RBFOX1: variants seen among roughly 807,000 people sequenced by gnomAD.
RBFOX1 encodes the protein RNA binding fox-1 homolog 1, also known as RNA binding protein fox-1 homolog 1.
RBFOX1 carries 8 observed loss-of-function variants against 57.7 expected under a neutral mutation model. That is an observed-to-expected ratio of 0.14 (90% CI 0.08 to 0.25). RBFOX1 has a LOEUF of 0.25. Among genes scored for constraint, RBFOX1 ranks in the 10% least tolerant of loss-of-function variants. RBFOX1 has a pLI of 1.00. For missense variants in RBFOX1, 611 were observed against 548.5 expected (o/e 1.11, Z -1.14); for synonymous variants, 326 against 222.4 (o/e 1.47, Z -4.15).
chr16:6,849,126 A>G (rs999780351), intron 3 of RBFOX1, among the ~76,000 whole-genome samples: 2 of 152,114 alleles, frequency 1.3e-5, no homozygotes, highest in African/African-American at 2.4e-5. Context: ...ATTTATATAT[A>G]ATCATCCCCA....
At chr16:6,654,136 T>C (rs1007957649) in intron 2 of RBFOX1, among the ~76,000 whole-genome samples, 1 of 151,646 alleles carries the variant, frequency 6.6e-6, no homozygotes, top group Admixed American at 6.6e-5. Context: ...AGAGGACCAA[T>C]GAATGAATGG....
At chr16:6,243,545 C>G (rs989004463) in intron 1 of RBFOX1, among the ~76,000 whole-genome samples, 1 of 152,146 alleles carries the variant, frequency 6.6e-6, no homozygotes. Flanking sequence ...ACAGTCAGTC[C>G]TCGTTCAGCA....
intron 3 of RBFOX1, among the ~76,000 whole-genome samples, chr16:7,002,620 G>A (rs903418850): frequency 4.6e-5 from 7 of 152,316 alleles, no homozygotes; most frequent in Admixed American, 1.3e-4. Flanking sequence ...GCTGAGGCAG[G>A]AGAATCGCTT....
At chr16:5,803,599 G>T (rs914546008) in intron 3 of RBFOX1, among the ~76,000 whole-genome samples, 1 of 152,148 alleles carries the variant, frequency 6.6e-6, no homozygotes, top group Non-Finnish European at 1.5e-5. Context: ...AGCACACTTT[G>T]TTGGGCATTC....
At chr16:5,568,458 T>G (rs957877668) in intron 2 of RBFOX1, among the ~76,000 whole-genome samples, 3 of 152,160 alleles carry the variant, frequency 2.0e-5, no homozygotes, top group African/African-American at 7.2e-5. Context: ...CTTTCCTGTA[T>G]TTTTTGGTAA....
intron 3 of RBFOX1, among the ~76,000 whole-genome samples, chr16:7,035,504 G>T (rs568861112): frequency 1.3e-5 from 2 of 152,320 alleles, no homozygotes; most frequent in Admixed American, 1.3e-4. Context: ...CGCATTTGCA[G>T]AATTTAATTG....
At chr16:5,359,901 C>T (rs1356715071) in intron 1 of RBFOX1, among the ~76,000 whole-genome samples, 2 of 150,578 alleles carry the variant, frequency 1.3e-5, no homozygotes, top group African/African-American at 4.9e-5. Context: ...CTCTATGGGA[C>T]TTGCCAATTC....
At chr16:6,653,946 G>A (rs78493867) in intron 2 of RBFOX1, among the ~76,000 whole-genome samples, 2,311 of 146,610 alleles carry the variant, frequency 0.016, 64 homozygotes, top group African/African-American at 0.055. Flanking sequence ...TGGATAGAGG[G>A]TGGATGAAGG....
At chr16:7,292,581 C>T (rs1006357605) in intron 4 of RBFOX1, among the ~76,000 whole-genome samples, 2 of 149,476 alleles carry the variant, frequency 1.3e-5, no homozygotes, top group African/African-American at 2.5e-5. Context: ...GGGTTGTGCA[C>T]GGTGATGACG....
At chr16:7,293,786 C>CT (rs1568072416) in intron 4 of RBFOX1, among the ~76,000 whole-genome samples, 1 of 152,034 alleles carries the variant, frequency 6.6e-6, no homozygotes, top group African/African-American at 2.4e-5. Context: ...CGTATGATTC[C>CT]TTACATCGTT....
intron 2 of RBFOX1, among the ~76,000 whole-genome samples, chr16:6,611,691 T>C (rs17134966): frequency 0.18 from 27,008 of 152,174 alleles, 3,016 homozygotes; most frequent in Middle Eastern, 0.26. Context: ...CCGGCTTACC[T>C]TGTCCGTGGC....
chr16:6,034,067 G>A (rs1015342933), intron 1 of RBFOX1, among the ~76,000 whole-genome samples: 1 of 152,058 alleles, frequency 6.6e-6, no homozygotes, highest in Non-Finnish European at 1.5e-5. Context: ...AGGCGCGGTG[G>A]CTCATGCCCG....
intron 4 of RBFOX1, among the ~76,000 whole-genome samples, chr16:7,163,906 C>T (rs191542082): frequency 5.5e-4 from 83 of 152,272 alleles, no homozygotes; most frequent in African/African-American, 1.8e-3. Flanking sequence ...ATGATCCATC[C>T]ACTTCAGCCT....
At chr16:6,361,507 A>G (rs2088519139) in intron 2 of RBFOX1, among the ~76,000 whole-genome samples, 2 of 151,926 alleles carry the variant, frequency 1.3e-5, no homozygotes, top group Admixed American at 1.3e-4. Flanking sequence ...TAATGCCTGT[A>G]GTTGCAGCTT....
At chr16:6,794,176 C>T (rs1057292865) in intron 3 of RBFOX1, among the ~76,000 whole-genome samples, 3 of 151,982 alleles carry the variant, frequency 2.0e-5, no homozygotes, top group Admixed American at 6.6e-5. Context: ...CCCATCACTA[C>T]CTGGAGAAGT....
chr16:6,897,062 T>C (rs1366806076), intron 3 of RBFOX1, among the ~76,000 whole-genome samples: 1 of 152,182 alleles, frequency 6.6e-6, no homozygotes, highest in Non-Finnish European at 1.5e-5. Flanking sequence ...CCTTCCTGAA[T>C]GCTGGCAGCA....
intron 2 of RBFOX1, among the ~76,000 whole-genome samples, chr16:6,632,716 A>C (rs966870492): frequency 3.3e-5 from 5 of 152,214 alleles, no homozygotes; most frequent in Non-Finnish European, 7.3e-5. Context: ...GGCCTAACCA[A>C]CCTGGAATTT....
intron 2 of RBFOX1, among the ~76,000 whole-genome samples, chr16:5,580,019 C>T (rs559937858): frequency 1.3e-5 from 2 of 152,216 alleles, no homozygotes; most frequent in South Asian, 4.1e-4. Context: ...GATGCACCCA[C>T]CTTGGCCTCC....
intron 2 of RBFOX1, among the ~76,000 whole-genome samples, chr16:6,548,596 T>G (rs562714823): frequency 6.6e-6 from 1 of 152,098 alleles, no homozygotes. Flanking sequence ...AAAACACGAA[T>G]AAACTTTCAA....
Sources: allele counts gnomAD v4.1 joint callset (sites outside exome capture counted in the v4.1 genomes callset), GRCh38; gene constraint gnomAD v4.1.1; transcripts MANE v1.5; gene names NCBI Gene and HGNC (gene_info 2026-07-23, HGNC 2026-07-21).